Variants in GALNTL6 observed in about 807,000 individuals in gnomAD.
GALNTL6 encodes the protein polypeptide N-acetylgalactosaminyltransferase like 6.
GALNTL6 carries 46 observed loss-of-function variants against 73.7 expected under a neutral mutation model. The observed-to-expected ratio is 0.62, with a 90% CI of 0.49 to 0.80. The LOEUF (loss-of-function observed/expected upper bound fraction) is 0.80, where lower values mean the gene tolerates loss of function less well. Among genes scored for constraint, GALNTL6 ranks in the 30% least tolerant of loss-of-function variants. The probability of loss-of-function intolerance (pLI) is 0.00; values close to 1 mark genes in which losing one functional copy is unlikely to be tolerated. For synonymous variants in GALNTL6, 259 were observed against 263.7 expected, an observed-to-expected ratio of 0.98 and a Z score of 0.17; for missense variants, 604 against 755.0, an observed-to-expected ratio of 0.80 and a Z score of 2.34.
chr4:172,629,950 T>G (rs780111566), intron 5 of GALNTL6, among the ~76,000 whole-genome samples: 3 of 152,190 alleles, frequency 2.0e-5, no homozygotes, highest in Admixed American at 1.3e-4. Flanking sequence ...AGCAATATAT[T>G]GTAAGATCTT....
chr4:172,736,267 C>A (rs1224078956), intron 5 of GALNTL6, among the ~76,000 whole-genome samples: 4 of 152,324 alleles, frequency 2.6e-5, no homozygotes, highest in East Asian at 3.9e-4. Flanking sequence ...AAGACAGACA[C>A]TCCCAGAGCG....
In GALNTL6 at chr4:172,809,637, G is replaced by T. The variant is rs527695905; in HGVS notation, c.739+91G>T. On this transcript the variant is annotated intron_variant, in intron 6 of 12. Coordinates refer to ENST00000506823, the MANE Select transcript of GALNTL6 (RefSeq NM_001034845.3). The surrounding 1 kb of genome is among the most constrained non-coding windows in gnomAD (Gnocchi z 4.4). The stretch of plus-strand genomic sequence containing the variant: ...TAGTTTGCAATCAGCAAACACTAGA[G>T]GTCCCTTCTACAAGTTTTCCAGGGG... 2.0e-6 allele frequency: 2 copies of T among 1,014,722 alleles called. No individual in the cohort carries two copies. The highest frequency in any genetic ancestry group is 2.9e-6 in the Non-Finnish European group (2 of 700,672). 62.9% of individuals were successfully genotyped at this position (1,014,722 alleles called of 1,614,324 possible).
intron 2 of GALNTL6, among the ~76,000 whole-genome samples, chr4:171,995,696 A>T (rs953192152): frequency 1.4e-4 from 21 of 152,028 alleles, no homozygotes; most frequent in Admixed American, 1.3e-4. Context: ...ATTTTACCTT[A>T]GTATTCATTT....
In GALNTL6 at chr4:172,809,689, G is replaced by A. The variant is rs2110987210; in HGVS notation, c.739+143G>A. 3.4e-6 allele frequency: 2 copies of A among 589,238 alleles called. No homozygotes were observed. Among genetic ancestry groups the A allele is most frequent in the Non-Finnish European group, 5.8e-6 (2 of 345,862 alleles). 36.5% of individuals were successfully genotyped at this position (589,238 alleles called of 1,614,324 possible). ...AGCCTTGAATTTTATATTTACCACT[G>A]CTGAAAACAGTTTACTAGGTAACTG... is the stretch of plus-strand genomic sequence containing the variant. On this transcript the variant is annotated intron_variant, in intron 6 of 12. Transcript: ENST00000506823. This position sits in a 1 kb window ranked among gnomAD's most constrained non-coding sequence, Gnocchi z 4.4.
chr4:172,055,591 A>G (rs1730997989), intron 2 of GALNTL6, among the ~76,000 whole-genome samples: 2 of 152,120 alleles, frequency 1.3e-5, no homozygotes, highest in African/African-American at 4.8e-5. Flanking sequence ...GGTGGGTAGA[A>G]GTCCAGAGCA....
intron 3 of GALNTL6, among the ~76,000 whole-genome samples, chr4:172,234,768 A>G (rs1163493832): frequency 6.6e-6 from 1 of 152,102 alleles, no homozygotes; most frequent in African/African-American, 2.4e-5. Context: ...TATTCTTATC[A>G]AGTCTTTGTC....
intron 5 of GALNTL6, among the ~76,000 whole-genome samples, chr4:172,482,890 TA>T (rs1267927213): frequency 6.6e-6 from 1 of 152,218 alleles, no homozygotes; most frequent in East Asian, 1.9e-4. Flanking sequence ...AATTCATTTA[TA>T]AAAACTCTAA....
At chr4:172,689,896 T>G (rs557076778) in intron 5 of GALNTL6, among the ~76,000 whole-genome samples, 1 of 151,926 alleles carries the variant, frequency 6.6e-6, no homozygotes, top group African/African-American at 2.4e-5. Flanking sequence ...CAGCTAAAGC[T>G]CGTGATTTTT....
At chr4:172,396,368 C>G (rs898987608) in intron 5 of GALNTL6, among the ~76,000 whole-genome samples, 1 of 148,002 alleles carries the variant, frequency 6.8e-6, no homozygotes, top group Non-Finnish European at 1.5e-5. Flanking sequence ...TTTGATTTAC[C>G]ATAGTCCTCA....
At chr4:171,978,438 T>C (rs1030892320) in intron 2 of GALNTL6, among the ~76,000 whole-genome samples, 3 of 152,220 alleles carry the variant, frequency 2.0e-5, no homozygotes, top group African/African-American at 7.2e-5. Flanking sequence ...AGGGGAGATA[T>C]GTCCACTCTA....
At chr4:171,934,660 C>T (rs1738288919) in intron 2 of GALNTL6, among the ~76,000 whole-genome samples, 2 of 152,122 alleles carry the variant, frequency 1.3e-5, no homozygotes, top group Admixed American at 6.6e-5. Flanking sequence ...AAGAAATCCT[C>T]CTGACTCAGC....
chr4:172,965,393 T>C (rs1440596638), intron 10 of GALNTL6, among the ~76,000 whole-genome samples: 2 of 151,886 alleles, frequency 1.3e-5, no homozygotes, highest in African/African-American at 4.8e-5. Context: ...GAGACCACCC[T>C]GTGAATGGTG....
intron 2 of GALNTL6, among the ~76,000 whole-genome samples, chr4:172,097,410 G>A (rs1486127996): frequency 6.6e-6 from 1 of 152,158 alleles, no homozygotes; most frequent in Admixed American, 6.5e-5. Flanking sequence ...AGGTTGGATA[G>A]ATAACAGAGC....
At position 173,022,066 on chromosome 4, in the gene GALNTL6, G is replaced by GGAAGGAAGGAAGGAAGGAAA. The variant is rs1561091645; in HGVS notation, c.1638+460_1638+461insAGAAGGAAGGAAGGAAGGAA. Among the ~76,000 whole-genome samples, 187 of 118,434 alleles carry GGAAGGAAGGAAGGAAGGAAA rather than the reference G, an allele frequency of 1.6e-3. 1 individual carries two copies. Among genetic ancestry groups the GGAAGGAAGGAAGGAAGGAAA allele is most frequent in the African/African-American group, 3.4e-3 (94 of 27,416 alleles). The allele number at this position is 118,434 out of a possible 152,430, so 77.7% of individuals were successfully genotyped here. Reference sequence around the variant, plus strand: ...AGGAAGGAAGGAAGGAAGGAAGGAAGGAAGGAAGGAAGGAAGGAAGGAAAG... The same window carrying GGAAGGAAGGAAGGAAGGAAA: ...AGGAAGGAAGGAAGGAAGGAAGGAAGGAAGGAAGGAAGGAAGGAAAGAAGGAAGGAAGGAAGGAAGGAAAG... On this transcript the variant is annotated intron_variant, in intron 12 of 12. Transcript: ENST00000506823.
At chr4:171,851,599 C>T (rs1285066748) in intron 2 of GALNTL6, among the ~76,000 whole-genome samples, 1 of 152,182 alleles carries the variant, frequency 6.6e-6, no homozygotes, top group African/African-American at 2.4e-5. Flanking sequence ...CTATTAGAAG[C>T]TGCTGTCCTA....
At chr4:172,266,184 C>T (rs1473843288) in intron 3 of GALNTL6, 1 of 152,040 alleles carries the variant, frequency 6.6e-6, no homozygotes, top group Non-Finnish European at 1.5e-5. Context: ...AGCTGGACAC[C>T]ACAGCCCTGA....
At chr4:172,053,636 T>C (rs2087038920) in intron 2 of GALNTL6, among the ~76,000 whole-genome samples, 1 of 152,154 alleles carries the variant, frequency 6.6e-6, no homozygotes, top group African/African-American at 2.4e-5. Context: ...ATATCACAAT[T>C]GTCCCTCTAC....
Position 172,862,187 on chromosome 4 carries a change from G to A in GALNTL6, c.924-20603G>A, listed in dbSNP as rs150787247. Among the ~76,000 whole-genome samples the A allele has an allele frequency of 6.5e-3, 995 of 152,308 alleles. 11 individuals are homozygous for A. The highest frequency in any genetic ancestry group is 0.022 in the African/African-American group (932 of 41,582). ...AATGGCTTTGACCAAAATGCTGATA[G>A]TGATATGGACAATAAAGTCCAGGTT... is the stretch of plus-strand genomic sequence containing the variant. On this transcript the variant is annotated intron_variant, in intron 7 of 12. Transcript: ENST00000506823.
At chr4:172,637,175 G>A (rs1293373766) in intron 5 of GALNTL6, among the ~76,000 whole-genome samples, 1 of 152,104 alleles carries the variant, frequency 6.6e-6, no homozygotes, top group Non-Finnish European at 1.5e-5. Flanking sequence ...GTGATAACTT[G>A]TGGACTTAAA....
Sources: allele counts gnomAD v4.1 joint callset (sites outside exome capture counted in the v4.1 genomes callset), GRCh38; gene constraint gnomAD v4.1.1; non-coding constraint Gnocchi (gnomAD v3.1); transcripts MANE v1.5; gene names NCBI Gene and HGNC (gene_info 2026-07-23, HGNC 2026-07-21).